The following CPXM2 variants were observed in gnomAD, a reference collection of about 807,000 sequenced individuals.
The protein encoded by CPXM2 is inactive carboxypeptidase-like protein X2.
Under a neutral mutation model 86.1 loss-of-function variants are expected in CPXM2, and 66 were observed. That is an observed-to-expected ratio of 0.77 (90% confidence interval 0.63 to 0.94). CPXM2 has a LOEUF of 0.94. Among genes scored for constraint, CPXM2 ranks in the 40% least tolerant of loss-of-function variants. The pLI, the probability that CPXM2 is intolerant of heterozygous loss-of-function variation, is 0.00. For missense variants in CPXM2, 948 were observed against 1,026.3 expected (o/e 0.92, Z 1.04); for synonymous variants, 388 against 400.2 (o/e 0.97, Z 0.36).
At chr10:123,829,094 A>G (rs1848107092) in intron 4 of CPXM2, among the ~76,000 whole-genome samples, 1 of 152,278 alleles carries the variant, frequency 6.6e-6, no homozygotes, top group South Asian at 2.1e-4. Context: ...AAGGATATCT[A>G]GATGGCAAAT....
rs570024053 is a variant in CPXM2, at chr10:123,797,935, A to T, written c.889+41T>A. ...CTTGGCTGGGCATCTGTTTTCCATC[A>T]GTGCTCCCACCCTGCAGGAAGCACA... is the stretch of plus-strand genomic sequence containing the variant. On this transcript the variant is annotated intron_variant, in intron 6 of 13. Transcript: ENST00000241305. 3.7e-4 allele frequency: 550 copies of T among 1,493,892 alleles called. 9 individuals carry two copies. In the South Asian group the frequency reaches 5.8e-3, roughly 16 times the overall value. 92.5% of individuals were successfully genotyped at this position (1,493,892 alleles called of 1,614,324 possible). A position where few individuals can be genotyped will look rare whatever the true frequency, so the allele number is the denominator to read the frequency against.
chr10:123,898,639 AAAAC>A (rs1206751568), intron 2 of CPXM2, among the ~76,000 whole-genome samples: 7 of 151,206 alleles, frequency 4.6e-5, no homozygotes, highest in African/African-American at 9.7e-5. Flanking sequence ...TCTGTCTCCA[AAAAC>A]AAACAAACAA....
At position 123,935,881 on chromosome 10, in the gene CPXM2, CCA is replaced by C. The variant is rs1481261410; in HGVS notation, n.174+3594_174+3595del. On this transcript the variant is annotated intron_variant and non_coding_transcript_variant, in intron 2 of 19. Coordinates refer to the CPXM2 transcript ENST00000368854. Reference sequence around the variant, plus strand: ...ACCACCACCATCACCACCATCCTTACCATCATCACCACCACCAACACCAGCAT... The same window carrying C: ...ACCACCACCATCACCACCATCCTTACTCATCACCACCACCAACACCAGCAT... Among the ~76,000 whole-genome samples, 563 of 151,378 alleles carry C rather than the reference CCA, an allele frequency of 3.7e-3. 5 individuals carry two copies. The highest frequency in any genetic ancestry group is 0.013 in the African/African-American group (521 of 41,232).
chr10:123,930,561 C>A (rs527989432), intron 2 of CPXM2, among the ~76,000 whole-genome samples: 8 of 152,204 alleles, frequency 5.3e-5, no homozygotes, highest in Non-Finnish European at 1.0e-4. Context: ...GCCCTGTCTT[C>A]CCCTTCCATC....
intron 13 of CPXM2, among the ~76,000 whole-genome samples, chr10:123,747,471 A>G (rs1289256233): frequency 6.6e-6 from 1 of 152,198 alleles, no homozygotes; most frequent in Non-Finnish European, 1.5e-5. Context: ...AAGAGAAGGA[A>G]AGGACTACAT....
intron 4 of CPXM2, among the ~76,000 whole-genome samples, chr10:123,801,136 C>T (rs1177523219): frequency 6.6e-6 from 1 of 152,170 alleles, no homozygotes; most frequent in African/African-American, 2.4e-5. Flanking sequence ...ATTGTAGCTC[C>T]CATAATCCCC....
At chr10:123,854,353 T>C (rs1474010385) in intron 3 of CPXM2, among the ~76,000 whole-genome samples, 1 of 120,006 alleles carries the variant, frequency 8.3e-6, no homozygotes, top group African/African-American at 3.7e-5. Context: ...TATATATATA[T>C]ATATAAAAAT....
At chr10:123,915,723 A>G (rs1945529426) in intron 2 of CPXM2, among the ~76,000 whole-genome samples, 1 of 152,052 alleles carries the variant, frequency 6.6e-6, no homozygotes, top group Admixed American at 6.5e-5. Context: ...GATCCACACT[A>G]CATCCTCAGA....
rs192468410 is a variant in CPXM2, at chr10:123,833,319, A to C, written c.653+9030T>G. Among the ~76,000 whole-genome samples, 20 of 152,300 alleles carry C rather than the reference A, an allele frequency of 1.3e-4. No homozygotes were observed. The East Asian group carries it at 1.5e-3, about 12-fold the overall frequency. On this transcript the variant is annotated intron_variant, in intron 4 of 13. Coordinates refer to ENST00000241305, the MANE Select transcript of CPXM2 (RefSeq NM_198148.3). ...GGAACCCATGTGCTTTTATTTTTAA[A>C]AAGTTCCTGCCGGCCAAATTTATGC... is the stretch of plus-strand genomic sequence containing the variant.
At chr10:123,923,737 T>C (rs1375902242) in intron 2 of CPXM2, among the ~76,000 whole-genome samples, 2 of 152,208 alleles carry the variant, frequency 1.3e-5, no homozygotes, top group African/African-American at 2.4e-5. Context: ...TGGGAGATAA[T>C]TGAATCATAG....
At chr10:123,822,331 C>G (rs915352391) in intron 4 of CPXM2, among the ~76,000 whole-genome samples, 3 of 152,190 alleles carry the variant, frequency 2.0e-5, no homozygotes, top group Non-Finnish European at 4.4e-5. Flanking sequence ...CACCCTTGCA[C>G]CAAATACTTG....
At chr10:123,863,182 C>G (rs1418290141) in intron 2 of CPXM2, among the ~76,000 whole-genome samples, 4 of 152,204 alleles carry the variant, frequency 2.6e-5, no homozygotes, top group Non-Finnish European at 5.9e-5. Flanking sequence ...CTAGTAAACA[C>G]CATTTGCCCC....
chr10:123,920,627 C>T (rs561675936), intron 2 of CPXM2, among the ~76,000 whole-genome samples: 28 of 152,008 alleles, frequency 1.8e-4, no homozygotes, highest in Non-Finnish European at 4.0e-4. Flanking sequence ...TTAATATTTT[C>T]CAAAATGACA....
intron 2 of CPXM2, among the ~76,000 whole-genome samples, chr10:123,870,002 T>G (rs1376768937): frequency 1.3e-5 from 2 of 152,136 alleles, no homozygotes; most frequent in Non-Finnish European, 1.5e-5. Flanking sequence ...GGGGCCGTTA[T>G]GAGTCGTGTC....
intron 2 of CPXM2, among the ~76,000 whole-genome samples, chr10:123,898,522 T>A (rs1945356348): frequency 6.6e-6 from 1 of 152,106 alleles, no homozygotes; most frequent in South Asian, 2.1e-4. Flanking sequence ...CCTGTAGTCT[T>A]AGCTACTTGG....
At chr10:123,759,360 C>T (rs1044069513) in intron 11 of CPXM2, among the ~76,000 whole-genome samples, 6 of 152,152 alleles carry the variant, frequency 3.9e-5, no homozygotes, top group Middle Eastern at 3.4e-3. Flanking sequence ...GAAATAAATG[C>T]GATATTTAAA....
chr10:123,848,001 A>T (rs1486239198), intron 3 of CPXM2, among the ~76,000 whole-genome samples: 1 of 152,250 alleles, frequency 6.6e-6, no homozygotes, highest in African/African-American at 2.4e-5. Flanking sequence ...TAATTGACTT[A>T]CAGCTGCCTC....
At chr10:123,787,467 G>A (rs1847089011) in intron 6 of CPXM2, among the ~76,000 whole-genome samples, 1 of 152,062 alleles carries the variant, frequency 6.6e-6, no homozygotes, top group African/African-American at 2.4e-5. Flanking sequence ...CTGAGTAACT[G>A]GGATTACAGG....
intron 2 of CPXM2, among the ~76,000 whole-genome samples, chr10:123,935,623 T>C (rs1444048189): frequency 6.6e-6 from 1 of 152,152 alleles, no homozygotes; most frequent in Non-Finnish European, 1.5e-5. Flanking sequence ...TGCCTGACAC[T>C]TAAAAGCTGG....
Sources: gnomAD v4.1 joint callset for allele counts (sites outside exome capture counted in the v4.1 genomes callset) on GRCh38, gnomAD v4.1.1 for gene constraint, MANE v1.5 for transcripts, NCBI Gene and HGNC (gene_info 2026-07-23, HGNC 2026-07-21) for gene names.